HOXB3: variants seen among roughly 807,000 people sequenced by gnomAD.
The protein encoded by HOXB3 is homeobox protein Hox-B3.
HOXB3 carries 17 observed loss-of-function variants against 29.2 expected under a neutral mutation model. The observed-to-expected ratio is 0.58, with a 90% CI of 0.40 to 0.87. The LOEUF is 0.87. HOXB3 is among the 40% of genes least tolerant of loss of function. The pLI, the probability that HOXB3 is intolerant of heterozygous loss-of-function variation, is 0.00. For synonymous variants in HOXB3, 317 were observed against 285.9 expected (o/e 1.11, Z -1.10); for missense variants, 637 against 616.3 (o/e 1.03, Z -0.35).
At position 48,577,919 on chromosome 17, in the gene HOXB3, G is replaced by C. The variant is rs2069819265; in HGVS notation, c.-424-3905C>G. On this transcript the variant is annotated intron_variant, in intron 1 of 4. Coordinates refer to ENST00000498678, the MANE Select transcript of HOXB3 (RefSeq NM_001384749.1). ...GTAGACGACGGGCTCTTTGCACGCG[G>C]AGTGGGACGGGCTGGGGTGCAGGGG... is the stretch of plus-strand genomic sequence containing the variant. 3.6e-6 allele frequency: 5 copies of C among 1,373,966 alleles called. No individual in the cohort carries two copies. Among genetic ancestry groups the C allele is most frequent in the Admixed American group, 6.0e-5 (2 of 33,600 alleles). 85.1% of individuals were successfully genotyped at this position (1,373,966 alleles called of 1,614,324 possible). A position where few individuals can be genotyped will look rare whatever the true frequency, so the allele number is the denominator to read the frequency against.
chr17:48,568,091 A>T (rs1191040902), intron 2 of HOXB3, among the ~76,000 whole-genome samples: 1 of 152,200 alleles, frequency 6.6e-6, no homozygotes, highest in African/African-American at 2.4e-5. Flanking sequence ...CATTGATCAC[A>T]AAAATATTTG....
chr17:48,555,041 C>A (rs1347506625), intron 3 of HOXB3, among the ~76,000 whole-genome samples: 1 of 149,540 alleles, frequency 6.7e-6, no homozygotes, highest in African/African-American at 2.5e-5. Context: ...CCCCCAGGGT[C>A]TCGCTGGAGA....
chr17:48,551,141 TCCGCCG>T lies in HOXB3; in HGVS notation c.483_488del (p.Gly163_Gly164del), dbSNP rs762753310. 15 of 1,307,188 alleles carry T rather than the reference TCCGCCG, an allele frequency of 1.1e-5. No homozygotes were observed. Among genetic ancestry groups the T allele is most frequent in the Admixed American group, 3.2e-5 (1 of 31,492 alleles). 81.0% of individuals were successfully genotyped at this position (1,307,188 alleles called of 1,614,324 possible). A position where few individuals can be genotyped will look rare whatever the true frequency, so the allele number is the denominator to read the frequency against. ...CACCGCCCCCGCTGCCACCACTGCC[TCCGCCG>T]CCGCCGCCACCGCCGCCGCCACCAC... On this transcript the variant is annotated inframe_deletion, in exon 5 of 5. Coordinates refer to ENST00000498678, the MANE Select transcript of HOXB3 (RefSeq NM_001384749.1).
chr17:48,556,174 A>T (rs1244474266), intron 2 of HOXB3, among the ~76,000 whole-genome samples: 1 of 151,934 alleles, frequency 6.6e-6, no homozygotes, highest in African/African-American at 2.4e-5. Context: ...AACAGGTAAA[A>T]ATTTAAATCT....
At chr17:48,574,199 G>T in intron 1 of HOXB3, 185 bp from the exon 2 acceptor site, 1 of 256,352 alleles carries the variant, frequency 3.9e-6, no homozygotes, top group East Asian at 8.6e-5. Context: ...GCTTTGATTT[G>T]GTTCTTTAGA....
intron 2 of HOXB3, among the ~76,000 whole-genome samples, chr17:48,558,305 C>G (rs2069072177): frequency 6.6e-6 from 1 of 152,094 alleles, no homozygotes; most frequent in African/African-American, 2.4e-5. Context: ...CCTCCCTTCC[C>G]CAAGCCTCCT....
At chr17:48,577,716 C>T in intron 1 of HOXB3, 2 of 689,112 alleles carry the variant, frequency 2.9e-6, no homozygotes, top group South Asian at 1.3e-4. Context: ...GCTCTGAAAA[C>T]AGGCGACCGT....
chr17:48,578,229 T>C (rs1462988377), intron 1 of HOXB3: 1 of 1,613,852 alleles, frequency 6.2e-7, no homozygotes, highest in African/African-American at 1.3e-5. Context: ...GAGTGGTCGC[T>C]GGGTAGGTAA....
At position 48,550,292 on chromosome 17, in the gene HOXB3, T is replaced by C. The variant is rs1248466995; in HGVS notation, c.*42A>G. Reference sequence around the variant, plus strand: ...TTGCCCCCCAGAGCTCCACAGTCTCTCTCTTCCTCCCCATCCCCTAATCCT... The same window carrying C: ...TTGCCCCCCAGAGCTCCACAGTCTCCCTCTTCCTCCCCATCCCCTAATCCT... On this transcript the variant is annotated 3_prime_UTR_variant, in exon 5 of 5. Transcript: ENST00000498678. 1 of 1,612,224 alleles carries C rather than the reference T, an allele frequency of 6.2e-7. No homozygotes were observed. Among genetic ancestry groups the C allele is most frequent in the South Asian group, 1.1e-5 (1 of 90,918 alleles).
chr17:48,560,840 G>A (rs1486284710), intron 2 of HOXB3, among the ~76,000 whole-genome samples: 1 of 152,132 alleles, frequency 6.6e-6, no homozygotes, highest in Non-Finnish European at 1.5e-5. Flanking sequence ...TTGGGGTGAG[G>A]CTGAGAAGGG....
intron 2 of HOXB3, among the ~76,000 whole-genome samples, chr17:48,571,131 G>A (rs1417322441): frequency 1.3e-5 from 2 of 152,192 alleles, no homozygotes; most frequent in Non-Finnish European, 2.9e-5. Context: ...ATAAACAAGC[G>A]CCTGATCGCG....
intron 2 of HOXB3, among the ~76,000 whole-genome samples, chr17:48,560,972 G>A (rs746787608): frequency 3.9e-5 from 6 of 152,140 alleles, no homozygotes; most frequent in Non-Finnish European, 7.4e-5. Flanking sequence ...CCTGAGGTTG[G>A]GAGTTCGAGA....
chr17:48,588,703 CTCA>C (rs1342462889), intron 1 of HOXB3, among the ~76,000 whole-genome samples: 2 of 152,210 alleles, frequency 1.3e-5, no homozygotes, highest in Non-Finnish European at 2.9e-5. Flanking sequence ...TACAAATGCC[CTCA>C]TCATTCTTGG....
At position 48,551,314 on chromosome 17, in the gene HOXB3, G is replaced by A. The variant is rs1412860438; in HGVS notation, c.449-133C>T. On this transcript the variant is annotated intron_variant, in intron 4 of 4. Transcript: ENST00000498678. ...CAGAGCCCCCGCCGCCCTCCCCTTCGGGTCCCCGCCGCCTCCTCACTCCCC... is the reference window on the plus strand; with the variant it reads ...CAGAGCCCCCGCCGCCCTCCCCTTCAGGTCCCCGCCGCCTCCTCACTCCCC... The A allele has an allele frequency of 4.4e-6, 5 of 1,130,388 alleles. No individual in the cohort carries two copies. In the African/African-American group the frequency reaches 5.0e-5, roughly 11 times the overall value. The allele number at this position is 1,130,388 out of a possible 1,614,324, so 70.0% of individuals were successfully genotyped here. A position where few individuals can be genotyped will look rare whatever the true frequency, so the allele number is the denominator to read the frequency against.
chr17:48,576,647 C>CT, intron 1 of HOXB3: 11 of 988,930 alleles, frequency 1.1e-5, no homozygotes, highest in Admixed American at 6.6e-5. Context: ...GGGCCCCCTC[C>CT]TGTCCCCCCA....
rs1328205906 is a variant in HOXB3, at chr17:48,550,571, C to T, written c.1059G>A (p.Val353=). The change falls in exon 5 of 5, where the codon GTG becomes GTA. Residue 353 remains valine (V), a synonymous_variant. Transcript: ENST00000498678. ...GCGGATCCGCGTAGCCGCCCCCGCCCACGTACACCGGACTGCCCTGCATGG... is the reference window on the plus strand; with the variant it reads ...GCGGATCCGCGTAGCCGCCCCCGCCTACGTACACCGGACTGCCCTGCATGG... ...TPTMQGSPVY[V]GGGGYADPLP... is the part of the protein sequence containing the mutation. The T allele has an allele frequency of 1.3e-6, 2 of 1,528,014 alleles. No individual in the cohort carries two copies. Among genetic ancestry groups the T allele is most frequent in the African/African-American group, 2.8e-5 (2 of 71,868 alleles). The allele number at this position is 1,528,014 out of a possible 1,614,324, so 94.7% of individuals were successfully genotyped here.
chr17:48,563,957 G>A (rs1208032344), intron 2 of HOXB3, among the ~76,000 whole-genome samples: 1 of 151,890 alleles, frequency 6.6e-6, no homozygotes, highest in Non-Finnish European at 1.5e-5. Flanking sequence ...TGAGCGGGAG[G>A]GCTCTCCCAT....
At chr17:48,576,517 C>T (rs925888379) in intron 1 of HOXB3, 2 of 399,028 alleles carry the variant, frequency 5.0e-6, no homozygotes, top group South Asian at 2.4e-4. Flanking sequence ...TCTGGGGGGG[C>T]CTCCCCGTGG....
In HOXB3 at chr17:48,550,445, G is replaced by A. The variant is rs768287109; in HGVS notation, c.1185C>T (p.Ser395=). The change falls in exon 5 of 5, where the codon AGC becomes AGT. Residue 395 remains serine, a synonymous_variant. Coordinates refer to ENST00000498678, the MANE Select transcript of HOXB3 (RefSeq NM_001384749.1). ...DYNGAPPMAP[S]QHHGPCEPHP... ...GGGGTTCGCAGGGTCCGTGGTGCTG[G>A]CTGGGCGCCATAGGGGGCGCCCCGT... 6.2e-7 allele frequency: 1 copy of A among 1,613,594 alleles called. No individual in the cohort carries two copies. The highest frequency in any genetic ancestry group is 2.2e-5 in the East Asian group (1 of 44,874).
Sources: allele counts gnomAD v4.1 joint callset (sites outside exome capture counted in the v4.1 genomes callset), GRCh38; gene constraint gnomAD v4.1.1; transcripts MANE v1.5; gene names NCBI Gene and HGNC (gene_info 2026-07-23, HGNC 2026-07-21).